MTHFD2: variants seen among roughly 807,000 people sequenced by gnomAD.
The protein encoded by MTHFD2 is bifunctional methylenetetrahydrofolate dehydrogenase/cyclohydrolase, mitochondrial.
MTHFD2 carries 26 observed loss-of-function variants against 36.8 expected under a neutral mutation model. The observed-to-expected ratio is 0.71, with a 90% CI of 0.52 to 0.98. The LOEUF is 0.98. MTHFD2 is among the 50% of genes least tolerant of loss of function. MTHFD2 has a pLI of 0.00. For synonymous variants in MTHFD2, 164 were observed against 155.2 expected (o/e 1.06, Z -0.42); for missense variants, 373 against 434.0 (o/e 0.86, Z 1.25).
chr2:74,215,211 T>C lies in MTHFD2; in HGVS notation c.*969T>C, dbSNP rs1488632054. 1 of 152,742 alleles carries C rather than the reference T, an allele frequency of 6.5e-6. No individual in the cohort carries two copies. The highest frequency in any genetic ancestry group is 2.4e-5 in the African/African-American group (1 of 41,574). The allele number at this position is 152,742 out of a possible 1,614,324, so 9.5% of individuals were successfully genotyped here. On this transcript the variant is annotated 3_prime_UTR_variant, in exon 8 of 8. Transcript: ENST00000394053. ...GAAATTTTTTAAGAGTTTGAGTTAC[T>C]ATTGAATTTAATCAGACTTTCTGAT...
At chr2:74,212,209 TTCCCC>T (rs1337501872) in intron 7 of MTHFD2, among the ~76,000 whole-genome samples, 18 of 137,420 alleles carry the variant, frequency 1.3e-4, no homozygotes, top group South Asian at 5.1e-4. Context: ...CCTTCCTTCC[TTCCCC>T]TCCCCTCCCC....
intron 5 of MTHFD2, among the ~76,000 whole-genome samples, 166 bp downstream of exon 5, chr2:74,210,215 A>G (rs1694274361): frequency 1.3e-5 from 2 of 152,256 alleles, no homozygotes; most frequent in Admixed American, 6.5e-5. Context: ...AGCTGCACCC[A>G]GTGTCACCTG....
rs978757805 is a variant in MTHFD2 at position 74,216,925 on chromosome 2, C to T, written c.*2683C>T. The T allele has an allele frequency of 1.3e-5, 2 of 152,168 alleles. No individual in the cohort carries two copies. Among genetic ancestry groups the T allele is most frequent in the African/African-American group, 4.8e-5 (2 of 41,444 alleles). The allele number at this position is 152,168 out of a possible 1,614,324, so 9.4% of individuals were successfully genotyped here. On this transcript the variant is annotated 3_prime_UTR_variant, in exon 8 of 8. Coordinates refer to ENST00000394053, the MANE Select transcript of MTHFD2 (RefSeq NM_006636.4). ...TGTCTGACAAGAATTTATACTTAAG[C>T]ATAGGAGATGGTTCTGGAAATTCTA...
rs968746017 is a variant in MTHFD2, at chr2:74,216,527, A to G, written c.*2285A>G. On this transcript the variant is annotated 3_prime_UTR_variant, in exon 8 of 8. Transcript: ENST00000394053. ...GACAAAGTTCTATTCCAGATCAGCC[A>G]GGTTTTAAAACTGAAATGTGTTAAG... The G allele has an allele frequency of 3.9e-5, 6 of 152,244 alleles. No homozygotes were observed. The highest frequency in any genetic ancestry group is 9.6e-5 in the African/African-American group (4 of 41,470). The allele number at this position is 152,244 out of a possible 1,614,324, so 9.4% of individuals were successfully genotyped here. A position where few individuals can be genotyped will look rare whatever the true frequency, so the allele number is the denominator to read the frequency against.
intron 1 of MTHFD2, among the ~76,000 whole-genome samples, 180 bp downstream of exon 1, chr2:74,198,922 C>T (rs1452687784): frequency 1.3e-5 from 2 of 152,170 alleles, no homozygotes; most frequent in African/African-American, 2.4e-5. Context: ...CAGCTCTCGA[C>T]TGGGGCGCTT....
chr2:74,199,227 A>G (rs538565417), intron 1 of MTHFD2, among the ~76,000 whole-genome samples: 1 of 152,254 alleles, frequency 6.6e-6, no homozygotes, highest in African/African-American at 2.4e-5. Context: ...GAAATCGCGG[A>G]GCCGACTTGC....
chr2:74,204,982 C>A (rs1409580724), intron 1 of MTHFD2, among the ~76,000 whole-genome samples: 3 of 152,102 alleles, frequency 2.0e-5, no homozygotes, highest in Non-Finnish European at 4.4e-5. Context: ...CCCACCACTA[C>A]GCCCAGCTAA....
chr2:74,204,112 C>G (rs1231467268), intron 1 of MTHFD2, among the ~76,000 whole-genome samples: 1 of 151,968 alleles, frequency 6.6e-6, no homozygotes, highest in Admixed American at 6.6e-5. Flanking sequence ...CGGGGTTTTG[C>G]CATGTTGACC....
Position 74,210,031 on chromosome 2 carries a change from G to A in MTHFD2, c.652G>A (p.Ala218Thr). The A allele has an allele frequency of 1.2e-6, 2 of 1,613,158 alleles. No homozygotes were observed. Among genetic ancestry groups the A allele is most frequent in the Non-Finnish European group, 1.7e-6 (2 of 1,179,536 alleles). ...PIAMLLHTDG[A>T]HERPGGDATV... ...TGCAATGTTACTGCACACAGATGGG[G>A]CGCATGAACGTCCCGGAGGTAAGGA... Residue 218 changes from alanine (A) to threonine (T), a missense_variant, in exon 5 of 8, where the codon GCG becomes ACG. By Grantham distance (58) the Ala-to-Thr change is moderately conservative. Around this residue, in one of 2 missense-constraint regions of MTHFD2, gnomAD observed 308 missense variants for 397.8 expected, o/e 0.77. Transcript: ENST00000394053.
rs1365533120 is a variant in MTHFD2, at chr2:74,215,645, G to T, written c.*1403G>T. 6.6e-6 allele frequency: 1 copy of T among 152,422 alleles called. No homozygotes were observed. The highest frequency in any genetic ancestry group is 1.5e-5 in the Non-Finnish European group (1 of 68,294). 9.4% of individuals were successfully genotyped at this position (152,422 alleles called of 1,614,324 possible). A position where few individuals can be genotyped will look rare whatever the true frequency, so the allele number is the denominator to read the frequency against. On this transcript the variant is annotated 3_prime_UTR_variant, in exon 8 of 8. Transcript: ENST00000394053. ...TTGTTTTGAGACTGAGTCTTGCTCT[G>T]TTGCCCAGGCTGGAGTGCAGTGGCA... is the stretch of plus-strand genomic sequence containing the variant.
chr2:74,207,490 A>T (rs1346790500), intron 2 of MTHFD2, among the ~76,000 whole-genome samples: 1 of 152,142 alleles, frequency 6.6e-6, no homozygotes, highest in African/African-American at 2.4e-5. Flanking sequence ...GTTAATGAAG[A>T]TTGCATAGAA....
rs762615591 is a variant in MTHFD2 at position 74,214,090 on chromosome 2, A to C, written c.901A>C (p.Lys301Gln). The C allele has an allele frequency of 6.2e-7, 1 of 1,613,794 alleles. No individual in the cohort carries two copies. Among genetic ancestry groups the C allele is most frequent in the Non-Finnish European group, 8.5e-7 (1 of 1,179,812 alleles). The change falls in exon 8 of 8, where the codon AAA (lysine) becomes CAA (glutamine). Residue 301 changes from lysine to glutamine, a missense_variant. Physicochemically the swap from Lys to Gln is moderately conservative, Grantham distance 53 (BLOSUM62 1). Transcript: ENST00000394053. ...TTGTTTCTATGTAGGAGTCAGACAA[A>C]AAGCTGGGTATATCACTCCAGTTCC... ...GDVDFEGVRQ[K>Q]AGYITPVPGG...
At chr2:74,206,619 T>C (rs1474747514) in intron 2 of MTHFD2, 2 of 152,270 alleles carry the variant, frequency 1.3e-5, no homozygotes, top group Non-Finnish European at 2.9e-5. Flanking sequence ...AAGCCTGTGG[T>C]TTTCTCTGTT....
In MTHFD2 at chr2:74,217,489, C is replaced by T. The variant is rs1170872677; in HGVS notation, c.*3247C>T. ...TGTAATGTAAAATGTGACCTTACCT[C>T]TGTCTAACCTGTATTGTTCACATGA... is the stretch of plus-strand genomic sequence containing the variant. On this transcript the variant is annotated 3_prime_UTR_variant, in exon 8 of 8. Coordinates refer to ENST00000394053, the MANE Select transcript of MTHFD2 (RefSeq NM_006636.4). The T allele has an allele frequency of 2.0e-5, 3 of 152,174 alleles. No individual in the cohort carries two copies. The highest frequency in any genetic ancestry group is 4.4e-5 in the Non-Finnish European group (3 of 68,034). The allele number at this position is 152,174 out of a possible 1,614,324, so 9.4% of individuals were successfully genotyped here.
rs1694235337 is a variant in MTHFD2 at position 74,208,564 on chromosome 2, T to G, written c.410-5T>G. The G allele has an allele frequency of 4.3e-6, 7 of 1,613,452 alleles. No homozygotes were observed. The highest frequency in any genetic ancestry group is 5.9e-6 in the Non-Finnish European group (7 of 1,179,630). On this transcript the variant is annotated splice_polypyrimidine_tract_variant and splice_region_variant and intron_variant, in intron 3 of 7. Transcript: ENST00000394053. ...TTAAGGCAACTGTGCCAATTTCTTT[T>G]TCAGAGCATATTGATGAGAGAAGGA...
rs1694445431 is a variant in MTHFD2 at position 74,216,389 on chromosome 2, G to A, written c.*2147G>A. The A allele has an allele frequency of 6.6e-6, 1 of 152,090 alleles. No homozygotes were observed. The highest frequency in any genetic ancestry group is 2.1e-4 in the South Asian group (1 of 4,822). The allele number at this position is 152,090 out of a possible 1,614,324, so 9.4% of individuals were successfully genotyped here. On this transcript the variant is annotated 3_prime_UTR_variant, in exon 8 of 8. Transcript: ENST00000394053. ...ATACAAAATATAAATGACATGTAAGGTAAAATTACAGTGATCAATTTACAA... is the reference window on the plus strand; with the variant it reads ...ATACAAAATATAAATGACATGTAAGATAAAATTACAGTGATCAATTTACAA...
chr2:74,216,137 T>G lies in MTHFD2; in HGVS notation c.*1895T>G, dbSNP rs972554827. ...TTATTCTTTTGATAGTTCTCTGGAG[T>G]TTAAAGAAGTTTAGATAGTTTGCTG... On this transcript the variant is annotated 3_prime_UTR_variant, in exon 8 of 8. Transcript: ENST00000394053. 6.6e-6 allele frequency: 1 copy of G among 152,158 alleles called. No homozygotes were observed. Among genetic ancestry groups the G allele is most frequent in the African/African-American group, 2.4e-5 (1 of 41,426 alleles). 9.4% of individuals were successfully genotyped at this position (152,158 alleles called of 1,614,324 possible).
rs558079871 is a variant in MTHFD2 at position 74,216,641 on chromosome 2, A to G, written c.*2399A>G. 7.2e-5 allele frequency: 11 copies of G among 152,308 alleles called. No individual in the cohort carries two copies. The highest frequency in any genetic ancestry group is 2.1e-4 in the South Asian group (1 of 4,824). 9.4% of individuals were successfully genotyped at this position (152,308 alleles called of 1,614,324 possible). A position where few individuals can be genotyped will look rare whatever the true frequency, so the allele number is the denominator to read the frequency against. Reference sequence around the variant, plus strand: ...TTATTGTTTATAAGACATGGATTCCAGCTGTCTCCCTGGCTGGAGTGCAGT... The same window carrying G: ...TTATTGTTTATAAGACATGGATTCCGGCTGTCTCCCTGGCTGGAGTGCAGT... On this transcript the variant is annotated 3_prime_UTR_variant, in exon 8 of 8. Coordinates refer to ENST00000394053, the MANE Select transcript of MTHFD2 (RefSeq NM_006636.4).
intron 3 of MTHFD2, 86 bp downstream of exon 3, chr2:74,207,912 C>T: frequency 7.6e-7 from 1 of 1,313,312 alleles, no homozygotes; most frequent in South Asian, 1.4e-5. Flanking sequence ...CCCCATCCCC[C>T]TCCTCCTCCC....
Sources: allele counts gnomAD v4.1 joint callset (sites outside exome capture counted in the v4.1 genomes callset), GRCh38; gene constraint gnomAD v4.1.1; regional missense constraint gnomAD v4.1.1; transcripts MANE v1.5; gene names NCBI Gene and HGNC (gene_info 2026-07-23, HGNC 2026-07-21).